GADL1: variants seen among roughly 807,000 people sequenced by gnomAD.
GADL1 encodes acidic amino acid decarboxylase GADL1.
GADL1 carries 71 observed loss-of-function variants against 69.5 expected under a neutral mutation model. That is an observed-to-expected ratio of 1.02 (90% CI 0.84 to 1.25). The LOEUF (loss-of-function observed/expected upper bound fraction) is 1.25, where lower values mean the gene tolerates loss of function less well. Ranked by LOEUF, GADL1 falls within the 50% of genes most tolerant of loss-of-function variation. The pLI, the probability that GADL1 is intolerant of heterozygous loss-of-function variation, is 0.00. For synonymous variants in GADL1, 254 were observed against 214.4 expected, an observed-to-expected ratio of 1.18 and a Z score of -1.62; for missense variants, 737 against 631.8, an observed-to-expected ratio of 1.17 and a Z score of -1.79.
At chr3:30,735,491 G>C (rs914459740) in intron 14 of GADL1, among the ~76,000 whole-genome samples, 5 of 152,156 alleles carry the variant, frequency 3.3e-5, no homozygotes, top group Non-Finnish European at 7.4e-5. Context: ...ACACAACATA[G>C]AAGAATCTCC....
At chr3:30,838,909 C>T (rs1387933582) in intron 9 of GADL1, 88 bp downstream of exon 9, 8 of 728,488 alleles carry the variant, frequency 1.1e-5, no homozygotes, top group Admixed American at 8.3e-5. Context: ...GGGGACTCCA[C>T]ATCTAGTTTC....
intron 14 of GADL1, among the ~76,000 whole-genome samples, chr3:30,739,221 T>G (rs202235076): frequency 6.6e-6 from 1 of 152,174 alleles, no homozygotes; most frequent in Non-Finnish European, 1.5e-5. Context: ...AGGGAGCCCA[T>G]GGCGTTATGC....
At chr3:30,854,668 T>C in intron 4 of GADL1, 31 bp downstream of exon 4, 1 of 1,303,520 alleles carries the variant, frequency 7.7e-7, no homozygotes, top group Non-Finnish European at 1.1e-6. Flanking sequence ...AATCCACGTT[T>C]GGTGTGAAAT....
chr3:30,752,208 T>C (rs1200118366), intron 14 of GADL1, among the ~76,000 whole-genome samples: 1 of 152,076 alleles, frequency 6.6e-6, no homozygotes, highest in African/African-American at 2.4e-5. Flanking sequence ...AACTTTAGGG[T>C]TTTCGACAGC....
chr3:30,781,928 T>C (rs929346765), intron 13 of GADL1, among the ~76,000 whole-genome samples: 1 of 152,324 alleles, frequency 6.6e-6, no homozygotes, highest in East Asian at 1.9e-4. Context: ...GTTAATTTCT[T>C]GGTACTATAT....
chr3:30,769,980 C>CAT (rs949673534), intron 14 of GADL1, among the ~76,000 whole-genome samples: 10 of 152,200 alleles, frequency 6.6e-5, no homozygotes, highest in African/African-American at 2.4e-4. Context: ...ATATTGAAAA[C>CAT]ATTAAAAACA....
intron 14 of GADL1, among the ~76,000 whole-genome samples, chr3:30,762,406 G>A (rs1473507493): frequency 6.6e-6 from 1 of 152,108 alleles, no homozygotes; most frequent in Non-Finnish European, 1.5e-5. Flanking sequence ...AATACACAAA[G>A]CATATCTGAA....
intron 1 of GADL1, among the ~76,000 whole-genome samples, chr3:30,881,475 A>C (rs1698639843): frequency 6.6e-6 from 1 of 151,938 alleles, no homozygotes; most frequent in Non-Finnish European, 1.5e-5. Context: ...AAAAGCATCA[A>C]GTGGTGATTA....
chr3:30,774,347 CCTAA>C (rs765180685), intron 14 of GADL1, among the ~76,000 whole-genome samples: 3 of 152,112 alleles, frequency 2.0e-5, no homozygotes, highest in Non-Finnish European at 4.4e-5. Context: ...AAGCGCAGAA[CCTAA>C]CTGTTTAACA....
intron 1 of GADL1, among the ~76,000 whole-genome samples, chr3:30,880,507 G>A (rs1271542886): frequency 6.6e-6 from 1 of 151,890 alleles, no homozygotes; most frequent in Non-Finnish European, 1.5e-5. Flanking sequence ...CTTGCCTGCT[G>A]CCATGTAAGA....
chr3:30,886,876 A>T (rs770178086), intron 1 of GADL1, among the ~76,000 whole-genome samples: 7 of 152,110 alleles, frequency 4.6e-5, no homozygotes, highest in Non-Finnish European at 8.8e-5. Context: ...CTTCGGTCAC[A>T]AATGCAGTCT....
chr3:30,861,502 G>A lies in GADL1; in HGVS notation c.210+91C>T. The A allele has an allele frequency of 6.9e-6, 6 of 868,352 alleles. No homozygotes were observed. The South Asian group carries it at 9.4e-5, about 14-fold the overall frequency. 53.8% of individuals were successfully genotyped at this position (868,352 alleles called of 1,614,324 possible). On this transcript the variant is annotated intron_variant, in intron 2 of 14. Transcript: ENST00000282538. ...AAGGCATAGAAGAAATAAAAACTTG[G>A]CCTTCCCATTTGCTTTCTATTCAGC... is the stretch of plus-strand genomic sequence containing the variant.
At chr3:30,867,423 C>CATATATATATATATATATATATATAT (rs148660336) in intron 1 of GADL1, among the ~76,000 whole-genome samples, 59 of 115,074 alleles carry the variant, frequency 5.1e-4, no homozygotes, top group African/African-American at 1.5e-3. Context: ...TACAATACTA[C>CATATATATATATATATATATATATAT]ATATATATAT....
intron 14 of GADL1, among the ~76,000 whole-genome samples, chr3:30,755,219 A>T (rs943472834): frequency 3.3e-5 from 5 of 152,184 alleles, no homozygotes; most frequent in African/African-American, 1.2e-4. Flanking sequence ...TTTGTCTTGC[A>T]TGCAATAGGA....
intron 14 of GADL1, among the ~76,000 whole-genome samples, chr3:30,755,017 T>C (rs1695934809): frequency 6.6e-6 from 1 of 152,164 alleles, no homozygotes; most frequent in Admixed American, 6.6e-5. Flanking sequence ...TCTGAAAAGA[T>C]TTCTGGTTGA....
At chr3:30,737,022 C>T (rs548743163) in intron 14 of GADL1, among the ~76,000 whole-genome samples, 2 of 152,112 alleles carry the variant, frequency 1.3e-5, no homozygotes, top group African/African-American at 2.4e-5. Context: ...GCTTTCTTGT[C>T]ACTTATGTCT....
rs1696504779 is a variant in GADL1, at chr3:30,775,094, G to GT, written c.1392+3084dup. 6.6e-5 allele frequency among the ~76,000 whole-genome samples: 10 copies of GT among 152,318 alleles called. No individual in the cohort carries two copies. The South Asian group carries it at 1.9e-3, about 28-fold the overall frequency. ...GAAGTCGTTGGAACTCAGGCATCCA[G>GT]TATCACAGTGTCATTGCATTGTTAG... On this transcript the variant is annotated intron_variant, in intron 14 of 14. Coordinates refer to ENST00000282538, the MANE Select transcript of GADL1 (RefSeq NM_207359.3).
chr3:30,792,808 AG>A (rs1415768549), intron 12 of GADL1, among the ~76,000 whole-genome samples: 1 of 152,164 alleles, frequency 6.6e-6, no homozygotes, highest in Admixed American at 6.6e-5. Flanking sequence ...TATTTAGGTA[AG>A]AATATTTTCC....
Position 30,823,045 on chromosome 3 carries a change from A to G in GADL1, c.1050+10808T>C, listed in dbSNP as rs9851310. On this transcript the variant is annotated intron_variant, in intron 11 of 14. Coordinates refer to ENST00000282538, the MANE Select transcript of GADL1 (RefSeq NM_207359.3). ...TAATAAAGGAATAGATGAATTAAAG[A>G]CCTTCCCACTGAATACAGCCAAGAA... Among the ~76,000 whole-genome samples the G allele has an allele frequency of 7.2e-5, 11 of 152,004 alleles. No homozygotes were observed. The South Asian group carries it at 1.0e-3, about 14-fold the overall frequency.
Sources: allele counts gnomAD v4.1 joint callset (sites outside exome capture counted in the v4.1 genomes callset), GRCh38; gene constraint gnomAD v4.1.1; transcripts MANE v1.5; gene names NCBI Gene and HGNC (gene_info 2026-07-23, HGNC 2026-07-21).